The following FMN1 variants were observed in gnomAD, a reference collection of about 807,000 sequenced individuals.
FMN1 encodes formin-1.
A neutral mutation model predicts 132.4 loss-of-function variants in FMN1; 110 were observed. The observed-to-expected ratio is 0.83, with a 90% CI of 0.71 to 0.97. The LOEUF (loss-of-function observed/expected upper bound fraction) is 0.97. Ranked by LOEUF, FMN1 falls within the 50% of genes least tolerant of loss-of-function variation. The probability of loss-of-function intolerance (pLI) is 0.00; values close to 1 mark genes in which losing one functional copy is unlikely to be tolerated. For missense variants in FMN1, 1,792 were observed against 1,705.3 expected (o/e 1.05, Z -0.90); for synonymous variants, 722 against 651.7 (o/e 1.11, Z -1.64).
At chr15:33,082,053 G>GTGTGTGTT (rs540217494) in intron 5 of FMN1, among the ~76,000 whole-genome samples, 6,834 of 134,502 alleles carry the variant, frequency 0.051, 218 homozygotes, top group African/African-American at 0.079. Context: ...GTGTGTGTGT[G>GTGTGTGTT]TAAGACGGAG....
At chr15:32,998,887 A>C (rs1019095384) in intron 7 of FMN1, among the ~76,000 whole-genome samples, 25 of 152,186 alleles carry the variant, frequency 1.6e-4, no homozygotes, top group African/African-American at 6.0e-4. Flanking sequence ...GAATTGTCTG[A>C]AGGCAAGACA....
At chr15:32,907,309 G>C (rs1185490188) in intron 12 of FMN1, among the ~76,000 whole-genome samples, 4 of 152,102 alleles carry the variant, frequency 2.6e-5, no homozygotes, top group African/African-American at 9.7e-5. Flanking sequence ...TCCCATCTGG[G>C]GGTGATGGGA....
intron 4 of FMN1, among the ~76,000 whole-genome samples, chr15:33,113,871 A>C (rs1449495548): frequency 6.6e-6 from 1 of 152,156 alleles, no homozygotes; most frequent in African/African-American, 2.4e-5. Context: ...TGAAACCCTG[A>C]CTGGAAACTG....
chr15:32,836,340 T>C (rs1412183582), intron 17 of FMN1, among the ~76,000 whole-genome samples: 1 of 152,202 alleles, frequency 6.6e-6, no homozygotes, highest in East Asian at 1.9e-4. Flanking sequence ...GGTTTGGGAA[T>C]GGCAAAACTT....
At chr15:33,067,665 A>C in intron 5 of FMN1, 1 of 1,614,016 alleles carries the variant, frequency 6.2e-7, no homozygotes. Flanking sequence ...CCATTGCTGG[A>C]ATCATCCTGC....
chr15:32,849,760 G>A (rs895643754), intron 17 of FMN1, among the ~76,000 whole-genome samples: 4 of 152,004 alleles, frequency 2.6e-5, no homozygotes, highest in Admixed American at 6.5e-5. Flanking sequence ...GGGTTCAAGC[G>A]ATTCTCCTGT....
intron 5 of FMN1, among the ~76,000 whole-genome samples, chr15:33,068,615 T>C (rs952285958): frequency 1.4e-5 from 2 of 142,130 alleles, no homozygotes; most frequent in African/African-American, 5.1e-5. Context: ...AGCAGTTAAT[T>C]TACTGCCCTT....
chr15:33,086,417 GTTTT>G (rs1048937525), intron 5 of FMN1, among the ~76,000 whole-genome samples: 2 of 150,666 alleles, frequency 1.3e-5, no homozygotes, highest in African/African-American at 2.4e-5. Context: ...AGATTATGAG[GTTTT>G]TTTTTCACTG....
intron 4 of FMN1, chr15:33,106,117 T>C (rs1451739286): frequency 1.3e-5 from 2 of 152,106 alleles, no homozygotes; most frequent in Non-Finnish European, 2.9e-5. Flanking sequence ...CTGAATCTTA[T>C]AAATGGCAGA....
intron 4 of FMN1, among the ~76,000 whole-genome samples, chr15:33,125,671 C>G (rs1902150): frequency 0.35 from 52,715 of 150,880 alleles, 10,062 homozygotes; most frequent in South Asian, 0.41. Flanking sequence ...GAAACCTCGT[C>G]TCTACTAAAA....
At chr15:33,162,571 G>A (rs185686243) in intron 3 of FMN1, among the ~76,000 whole-genome samples, 45 of 152,262 alleles carry the variant, frequency 3.0e-4, no homozygotes, top group Admixed American at 7.8e-4. Flanking sequence ...AGGAAGAAAC[G>A]TAATACAGGA....
chr15:33,120,556 T>C (rs989390822), intron 4 of FMN1, among the ~76,000 whole-genome samples: 1 of 152,092 alleles, frequency 6.6e-6, no homozygotes, highest in African/African-American at 2.4e-5. Flanking sequence ...ACCCCAGAGA[T>C]TACTATTTTT....
intron 6 of FMN1, among the ~76,000 whole-genome samples, chr15:33,057,941 A>T (rs34606248): frequency 0.23 from 34,430 of 146,824 alleles, 4,704 homozygotes; most frequent in Non-Finnish European, 0.31. Context: ...AAGCACATGA[A>T]AGCAGACTGA....
At chr15:32,978,755 T>C (rs936790799) in intron 7 of FMN1, among the ~76,000 whole-genome samples, 1 of 152,200 alleles carries the variant, frequency 6.6e-6, no homozygotes, top group Non-Finnish European at 1.5e-5. Flanking sequence ...CACACACTTG[T>C]CTATAAACGG....
intron 6 of FMN1, among the ~76,000 whole-genome samples, chr15:33,046,308 G>A (rs1223641950): frequency 6.6e-6 from 1 of 152,144 alleles, no homozygotes; most frequent in Non-Finnish European, 1.5e-5. Context: ...ACAGTGCAAT[G>A]TTCTGAATGA....
At chr15:32,879,194 C>A (rs1171598990) in intron 16 of FMN1, among the ~76,000 whole-genome samples, 1 of 152,198 alleles carries the variant, frequency 6.6e-6, no homozygotes, top group East Asian at 1.9e-4. Context: ...TTCCTTAGGT[C>A]TGTTTTGTTG....
At chr15:32,892,801 T>G (rs2060063846) in intron 15 of FMN1, among the ~76,000 whole-genome samples, 1 of 152,180 alleles carries the variant, frequency 6.6e-6, no homozygotes, top group African/African-American at 2.4e-5. Context: ...GATTGTATTT[T>G]TCCAGCAATT....
intron 4 of FMN1, among the ~76,000 whole-genome samples, chr15:33,117,908 A>G (rs1052739206): frequency 6.6e-6 from 1 of 152,178 alleles, no homozygotes; most frequent in Non-Finnish European, 1.5e-5. Context: ...CATCTAGTTT[A>G]GGTTATGGGT....
intron 15 of FMN1, among the ~76,000 whole-genome samples, chr15:32,891,128 T>C (rs2060017716): frequency 6.6e-6 from 1 of 152,274 alleles, no homozygotes; most frequent in African/African-American, 2.4e-5. Context: ...CCACGTTGTT[T>C]TGGTGACTGA....
Sources: allele counts gnomAD v4.1 joint callset (sites outside exome capture counted in the v4.1 genomes callset), GRCh38; gene constraint gnomAD v4.1.1; transcripts MANE v1.5; gene names NCBI Gene and HGNC (gene_info 2026-07-23, HGNC 2026-07-21).